The following ACSL6 variants were observed in gnomAD, a reference collection of about 807,000 sequenced individuals.
ACSL6 encodes the protein acyl-CoA synthetase long chain family member 6.
A neutral mutation model predicts 98.2 loss-of-function variants in ACSL6; 47 were observed. The observed-to-expected ratio is 0.48, with a 90% CI of 0.38 to 0.61. ACSL6 has a LOEUF of 0.61. ACSL6 is among the 20% of genes least tolerant of loss of function. The pLI, the probability that ACSL6 is intolerant of heterozygous loss-of-function variation, is 0.00. For missense variants in ACSL6, 761 were observed against 913.4 expected (o/e 0.83, Z 2.15); for synonymous variants, 362 against 336.9 (o/e 1.07, Z -0.82).
At chr5:131,963,984 C>A (rs754601503) in intron 17 of ACSL6, among the ~76,000 whole-genome samples, 2 of 152,180 alleles carry the variant, frequency 1.3e-5, no homozygotes, top group Non-Finnish European at 2.9e-5. Context: ...GGATTTGAAT[C>A]CCGATCCTTC....
chr5:131,982,333 C>A (rs1266080634), intron 9 of ACSL6: 1 of 150,810 alleles, frequency 6.6e-6, no homozygotes. Context: ...TTAGTAGAGA[C>A]GGGGTTTCAC....
At chr5:131,954,656 G>C (rs527267115) in intron 20 of ACSL6, among the ~76,000 whole-genome samples, 1 of 152,198 alleles carries the variant, frequency 6.6e-6, no homozygotes, top group African/African-American at 2.4e-5. Flanking sequence ...CTGCCCTTAG[G>C]GAGCGCACAT....
chr5:132,011,954 C>A (rs1755762003), upstream of ACSL6: 1 of 1,540,582 alleles, frequency 6.5e-7, no homozygotes, highest in Non-Finnish European at 8.7e-7. The surrounding 1 kb of genome is among the most constrained non-coding windows in gnomAD (Gnocchi z 5.4). Context: ...GGAGCACGGG[C>A]GACGAGCGCC....
intron 13 of ACSL6, 92 bp downstream of exon 13, chr5:131,972,632 C>T: frequency 7.2e-7 from 1 of 1,397,746 alleles, no homozygotes. Flanking sequence ...CACATGATTA[C>T]AGGGCACTGG....
upstream of ACSL6, chr5:132,012,200 T>C: frequency 2.3e-6 from 1 of 429,336 alleles, no homozygotes; most frequent in Non-Finnish European, 4.1e-6. Context: ...TGCAAACCAG[T>C]GAGGGGAGGG....
At chr5:131,991,783 C>CCAGA (rs780868985) in intron 2 of ACSL6, among the ~76,000 whole-genome samples, 234 of 151,334 alleles carry the variant, frequency 1.5e-3, no homozygotes, top group Non-Finnish European at 2.7e-3. Flanking sequence ...CTGGGCTGGG[C>CCAGA]CAGAGCCTGC....
Position 132,011,522 on chromosome 5 carries a change from G to A in ACSL6, c.32C>T (p.Ser11Phe). MLTFFLVSGGSLWLFVEFVLS... is the reference protein window; with the variant it reads MLTFFLVSGGFLWLFVEFVLS... ...GCACTTACCTACGAATAGCCAGAGGGAGCCCCCCGACACGAGGAAGAAGGT... is the reference window on the plus strand; with the variant it reads ...GCACTTACCTACGAATAGCCAGAGGAAGCCCCCCGACACGAGGAAGAAGGT... The change falls in exon 1 of 21, where the codon TCC becomes TTC. Residue 11 changes from serine (S) to phenylalanine (F), a missense_variant. By Grantham distance (155) the Ser-to-Phe change is radical. Transcript: ENST00000651883. This position sits in a 1 kb window ranked among gnomAD's most constrained non-coding sequence, Gnocchi z 5.4. 1 of 1,606,776 alleles carries A rather than the reference G, an allele frequency of 6.2e-7. No individual in the cohort carries two copies. Among genetic ancestry groups the A allele is most frequent in the Non-Finnish European group, 8.5e-7 (1 of 1,176,920 alleles).
chr5:131,960,611 A>G lies in ACSL6; in HGVS notation c.1868T>C (p.Val623Ala). Residue 623 changes from valine to alanine, a missense_variant, in exon 19 of 21, where the codon GTA (valine) becomes GCA (alanine). Coordinates refer to ENST00000651883, the MANE Select transcript of ACSL6 (RefSeq NM_001009185.3). ...VHGDSLKAFL[V>A]GIVVPDPEVM... ...TTCAGGGTCAGGCACAACAATGCCTACCAAAAAGGCCTGCAGTGCTCACCA... is the reference window on the plus strand; with the variant it reads ...TTCAGGGTCAGGCACAACAATGCCTGCCAAAAAGGCCTGCAGTGCTCACCA... The G allele has an allele frequency of 1.2e-6, 2 of 1,613,912 alleles. No individual in the cohort carries two copies. Among genetic ancestry groups the G allele is most frequent in the Non-Finnish European group, 1.7e-6 (2 of 1,179,936 alleles).
intron 17 of ACSL6, among the ~76,000 whole-genome samples, 179 bp from the exon 18 acceptor site, chr5:131,962,857 C>T (rs1752785821): frequency 1.3e-5 from 2 of 152,184 alleles, no homozygotes; most frequent in South Asian, 2.1e-4. Flanking sequence ...CACTGTACAC[C>T]GCAGGTTGAT....
intron 1 of ACSL6, among the ~76,000 whole-genome samples, chr5:131,998,510 G>C (rs368409809): frequency 6.6e-6 from 1 of 152,316 alleles, no homozygotes; most frequent in East Asian, 1.9e-4. Flanking sequence ...AAATATGTTG[G>C]CTCCAATGTG....
chr5:131,975,225 T>A (rs538056942), intron 10 of ACSL6: 2 of 1,348,254 alleles, frequency 1.5e-6, no homozygotes, highest in African/African-American at 1.5e-5. Flanking sequence ...GAGTGTTAGG[T>A]CGCAGCGTCA....
At chr5:131,996,278 T>C (rs1754788160) in intron 1 of ACSL6, among the ~76,000 whole-genome samples, 1 of 152,240 alleles carries the variant, frequency 6.6e-6, no homozygotes, top group East Asian at 1.9e-4. Flanking sequence ...GGCCAAGTTA[T>C]AGACCACAGT....
chr5:131,965,327 A>G (rs2149701131), intron 17 of ACSL6, among the ~76,000 whole-genome samples: 1 of 152,268 alleles, frequency 6.6e-6, no homozygotes, highest in Non-Finnish European at 1.5e-5. Context: ...AGCATCTCCT[A>G]TGTGCCCGGT....
At chr5:131,994,836 AG>A (rs1395378715) in intron 1 of ACSL6, 1 of 165,348 alleles carries the variant, frequency 6.0e-6, no homozygotes, top group African/African-American at 2.4e-5. Context: ...CATGATGTGA[AG>A]GTGAAGACCT....
intron 7 of ACSL6, 129 bp from the exon 8 acceptor site, chr5:131,986,983 A>T (rs1580672323): frequency 1.8e-5 from 1 of 54,346 alleles, no homozygotes; most frequent in Non-Finnish European, 9.5e-5. Flanking sequence ...CCACACACTC[A>T]CACACACACA....
In ACSL6 at chr5:131,950,986, C is replaced by T. The variant is rs537935663; in HGVS notation, c.*3248G>A. On this transcript the variant is annotated 3_prime_UTR_variant, in exon 21 of 21. Transcript: ENST00000651883. ...TTCCTAATACATGGGGCTAGGCCTA[C>T]ACACTATACCTGACCAGAGTCCCGT... The T allele has an allele frequency of 2.6e-4, 51 of 194,476 alleles. No homozygotes were observed. In the South Asian group the frequency reaches 9.2e-3, roughly 35 times the overall value. 12.0% of individuals were successfully genotyped at this position (194,476 alleles called of 1,614,324 possible).
At chr5:131,991,891 G>C (rs1001193177) in intron 2 of ACSL6, among the ~76,000 whole-genome samples, 1 of 152,180 alleles carries the variant, frequency 6.6e-6, no homozygotes, top group Non-Finnish European at 1.5e-5. Context: ...GACTGTTTTC[G>C]AGTGGAAAGT....
intron 9 of ACSL6, among the ~76,000 whole-genome samples, chr5:131,981,049 T>C (rs1401139094): frequency 6.6e-6 from 1 of 152,082 alleles, no homozygotes; most frequent in Admixed American, 6.5e-5. Context: ...TCCCCGCATC[T>C]TCCTGGCCTC....
chr5:131,968,625 C>T (rs550891741), intron 15 of ACSL6, among the ~76,000 whole-genome samples: 1 of 152,300 alleles, frequency 6.6e-6, no homozygotes, highest in South Asian at 2.1e-4. Flanking sequence ...GATGAAGAAA[C>T]TTGCCCCATG....
Sources: allele counts gnomAD v4.1 joint callset (sites outside exome capture counted in the v4.1 genomes callset), GRCh38; gene constraint gnomAD v4.1.1; non-coding constraint Gnocchi (gnomAD v3.1); transcripts MANE v1.5; gene names NCBI Gene and HGNC (gene_info 2026-07-23, HGNC 2026-07-21).